DIAPH2: variants seen among roughly 807,000 people sequenced by gnomAD.
DIAPH2 encodes protein diaphanous homolog 2.
Under a neutral mutation model 92.7 loss-of-function variants are expected in DIAPH2, and 35 were observed. The observed-to-expected ratio is 0.38, with a 90% CI of 0.29 to 0.50. The LOEUF is 0.50. Ranked by LOEUF, DIAPH2 falls within the 20% of genes least tolerant of loss-of-function variation. The pLI is 0.94. For synonymous variants in DIAPH2, 301 were observed against 280.4 expected, an observed-to-expected ratio of 1.07 and a Z score of -0.73; for missense variants, 701 against 819.5, an observed-to-expected ratio of 0.86 and a Z score of 1.77.
chrX:97,286,239 C>T (rs1208019885), intron 23 of DIAPH2, among the ~76,000 whole-genome samples: 1 of 107,029 alleles, frequency 9.3e-6, no homozygotes, highest in African/African-American at 3.4e-5. Context: ...TTAGTAGATA[C>T]GGGGTTTTAC....
At chrX:97,561,452 G>A (rs1404082014) in intron 26 of DIAPH2, among the ~76,000 whole-genome samples, 1 of 112,332 alleles carries the variant, frequency 8.9e-6, no homozygotes, top group Non-Finnish European at 1.9e-5. Context: ...ACTTGTCAGA[G>A]AGAAAGGAAA....
intron 7 of DIAPH2, among the ~76,000 whole-genome samples, chrX:96,913,217 GAA>G: frequency 1.8e-5 from 2 of 111,241 alleles, no homozygotes; most frequent in African/African-American, 6.5e-5. Context: ...AAAATGATTG[GAA>G]AAAGTGTATT....
intron 26 of DIAPH2, among the ~76,000 whole-genome samples, chrX:97,507,389 G>T (rs1399075539): frequency 9.1e-6 from 1 of 110,355 alleles, no homozygotes; most frequent in Non-Finnish European, 1.9e-5. Flanking sequence ...TTTATATGAA[G>T]AATTTTTCCC....
intron 23 of DIAPH2, among the ~76,000 whole-genome samples, chrX:97,296,777 T>C (rs1215276073): frequency 1.1e-5 from 1 of 93,282 alleles, no homozygotes. Context: ...GCTACAGAAC[T>C]TTTTTTTTTT....
At chrX:96,962,261 C>CTATATATATATACATATATATATACG (rs1569436324) in intron 16 of DIAPH2, among the ~76,000 whole-genome samples, 1 of 78,436 alleles carries the variant, frequency 1.3e-5, no homozygotes, top group African/African-American at 4.9e-5. Flanking sequence ...TGATGCCTTT[C>CTATATATATATACATATATATATACG]TATATATATA....
At chrX:97,113,994 C>T (rs764231543) in intron 20 of DIAPH2, among the ~76,000 whole-genome samples, 7 of 111,162 alleles carry the variant, frequency 6.3e-5, no homozygotes, top group Non-Finnish European at 1.1e-4. Context: ...AGTAACTATA[C>T]CAAGTGGAAT....
intron 23 of DIAPH2, among the ~76,000 whole-genome samples, chrX:97,330,241 TTAA>T (rs2068989124): frequency 9.2e-6 from 1 of 109,028 alleles, no homozygotes; most frequent in African/African-American, 3.3e-5. Context: ...CAGTACATTG[TTAA>T]TAATAAGCAC....
intron 9 of DIAPH2, among the ~76,000 whole-genome samples, chrX:96,918,884 C>A (rs913649753): frequency 3.6e-5 from 4 of 111,910 alleles, no homozygotes; most frequent in African/African-American, 1.3e-4. Context: ...GAAGCCTCAG[C>A]AGTAACTAAG....
intron 17 of DIAPH2, among the ~76,000 whole-genome samples, chrX:96,974,107 A>C (rs1324640689): frequency 9.0e-6 from 1 of 111,597 alleles, no homozygotes; most frequent in Non-Finnish European, 1.9e-5. Flanking sequence ...TGGAATGTAA[A>C]GTTTGGAGAC....
At position 96,803,107 on chromosome X, in the gene DIAPH2, A is replaced by G. The variant is rs773922291; in HGVS notation, c.447+44849A>G. Among the ~76,000 whole-genome samples, 3 of 110,750 alleles carry G rather than the reference A, an allele frequency of 2.7e-5. No individual in the cohort carries two copies. In the East Asian group the frequency reaches 8.6e-4, roughly 32 times the overall value. Reference sequence around the variant, plus strand: ...TGGGTCTGCCTCTCCCAGTCCACTGACTCAAATGTTAATCTCCTTTGGCAG... The same window carrying G: ...TGGGTCTGCCTCTCCCAGTCCACTGGCTCAAATGTTAATCTCCTTTGGCAG... On this transcript the variant is annotated intron_variant, in intron 4 of 26. Coordinates refer to ENST00000324765, the MANE Select transcript of DIAPH2 (RefSeq NM_006729.5).
intron 17 of DIAPH2, among the ~76,000 whole-genome samples, chrX:97,031,969 A>T (rs188612162): frequency 8.9e-6 from 1 of 112,033 alleles, no homozygotes; most frequent in Admixed American, 9.5e-5. Context: ...GGTGTTTTCA[A>T]GAAACTCTAA....
chrX:97,297,076 CTTTTTTTTTTTTTTTTTTTTTTTT>C (rs57145821), intron 23 of DIAPH2, among the ~76,000 whole-genome samples: 4 of 20,719 alleles, frequency 1.9e-4, no homozygotes, highest in African/African-American at 7.6e-4. Flanking sequence ...CAGGCCTGGC[CTTTTTTTTTTTTTTTTTTTTTTTT>C]TTTTTTTTTT....
intron 1 of DIAPH2, among the ~76,000 whole-genome samples, chrX:96,692,897 ATCTT>A (rs2063805491): frequency 8.9e-6 from 1 of 112,230 alleles, no homozygotes; most frequent in Admixed American, 9.5e-5. Flanking sequence ...GGTTTGGTCT[ATCTT>A]TGTTTTTCAG....
At chrX:97,152,114 A>G (rs1371187179) in intron 22 of DIAPH2, among the ~76,000 whole-genome samples, 3 of 111,679 alleles carry the variant, frequency 2.7e-5, no homozygotes, top group Non-Finnish European at 5.6e-5. Context: ...CCTCTGATAT[A>G]TTCATCAATA....
At chrX:97,013,736 TCTTGGTGCA>T (rs1439515311) in intron 17 of DIAPH2, among the ~76,000 whole-genome samples, 2 of 112,141 alleles carry the variant, frequency 1.8e-5, no homozygotes, top group Non-Finnish European at 3.8e-5. Context: ...CATTAGGAAA[TCTTGGTGCA>T]CTTGCAGGGT....
At chrX:96,924,297 T>G (rs901411194) in intron 9 of DIAPH2, among the ~76,000 whole-genome samples, 1 of 112,171 alleles carries the variant, frequency 8.9e-6, no homozygotes, top group African/African-American at 3.2e-5. Flanking sequence ...GAAAATAGAT[T>G]ACTATAATGG....
At chrX:97,287,468 A>C (rs754819387) in intron 23 of DIAPH2, among the ~76,000 whole-genome samples, 3 of 111,375 alleles carry the variant, frequency 2.7e-5, no homozygotes, top group African/African-American at 9.8e-5. Flanking sequence ...ATATCTAGTT[A>C]CACACAGGTA....
At chrX:97,527,114 T>G (rs150165663) in intron 26 of DIAPH2, among the ~76,000 whole-genome samples, 137 of 112,437 alleles carry the variant, frequency 1.2e-3, no homozygotes, top group African/African-American at 4.4e-3. Context: ...TCTAAATTCA[T>G]TAGTTAGAAT....
intron 20 of DIAPH2, among the ~76,000 whole-genome samples, chrX:97,114,278 C>G (rs918309521): frequency 8.9e-6 from 1 of 111,929 alleles, no homozygotes; most frequent in Admixed American, 9.5e-5. Context: ...TTTCAAACAG[C>G]ATAGTAATAG....
Sources: gnomAD v4.1 joint callset for allele counts (sites outside exome capture counted in the v4.1 genomes callset) on GRCh38, gnomAD v4.1.1 for gene constraint, MANE v1.5 for transcripts, NCBI Gene and HGNC (gene_info 2026-07-23, HGNC 2026-07-21) for gene names.